The following TMEM74 variants were observed in gnomAD, a reference collection of about 807,000 sequenced individuals.
TMEM74 encodes transmembrane protein 74.
In TMEM74, 13 loss-of-function variants were observed where a neutral mutation model predicts 18.1. The ratio of observed to expected loss-of-function variants is 0.72; its 90% CI spans 0.47 to 1.14. TMEM74 has a LOEUF of 1.14. Ranked by LOEUF, TMEM74 falls within the 50% of genes most tolerant of loss-of-function variation. The pLI is 0.00. For synonymous variants in TMEM74, 159 were observed against 146.6 expected (o/e 1.08, Z -0.61); for missense variants, 372 against 375.9 (o/e 0.99, Z 0.09).
At chr8:108,664,529 T>A (rs1482174360) in intron 1 of TMEM74, among the ~76,000 whole-genome samples, 1 of 152,160 alleles carries the variant, frequency 6.6e-6, no homozygotes, top group Non-Finnish European at 1.5e-5. Flanking sequence ...ATCAAAGAGC[T>A]TTTGGGAAGA....
At chr8:108,670,528 C>T (rs957361067) in intron 1 of TMEM74, among the ~76,000 whole-genome samples, 1 of 152,110 alleles carries the variant, frequency 6.6e-6, no homozygotes, top group African/African-American at 2.4e-5. Flanking sequence ...TGTCACTTCC[C>T]CATTATAAAA....
chr8:108,677,747 T>C (rs775807453), intron 1 of TMEM74, among the ~76,000 whole-genome samples: 11 of 152,136 alleles, frequency 7.2e-5, no homozygotes, highest in Non-Finnish European at 1.5e-4. Context: ...CATCTTTCTG[T>C]ACTGATCAGC....
chr8:108,621,451 G>A (rs1324494710), intron 2 of TMEM74, among the ~76,000 whole-genome samples: 3 of 152,146 alleles, frequency 2.0e-5, no homozygotes, highest in South Asian at 4.1e-4. Context: ...ACGCCCTCGG[G>A]CAAGGTCTAG....
intron 1 of TMEM74, among the ~76,000 whole-genome samples, chr8:108,718,150 G>A (rs903275576): frequency 1.2e-5 from 1 of 86,586 alleles, no homozygotes; most frequent in Non-Finnish European, 2.0e-5. Flanking sequence ...AGTAGAGACG[G>A]GGTTTCACCA....
At chr8:108,786,092 A>G (rs1426485667) in intron 1 of TMEM74, among the ~76,000 whole-genome samples, 7 of 152,206 alleles carry the variant, frequency 4.6e-5, no homozygotes, top group Non-Finnish European at 8.8e-5. Flanking sequence ...TACAAACCCA[A>G]TCTAGAAGTG....
rs759532949 is a variant in TMEM74 at position 108,785,056 on chromosome 8, G to T, written c.43C>A (p.Leu15Ile). 1 of 1,612,608 alleles carries T rather than the reference G, an allele frequency of 6.2e-7. No individual in the cohort carries two copies. Among genetic ancestry groups the T allele is most frequent in the South Asian group, 1.1e-5 (1 of 90,834 alleles). The change falls in exon 2 of 2, where the codon CTC becomes ATC. Residue 15 changes from leucine (L) to isoleucine (I), a missense_variant. By Grantham distance (5) the Leu-to-Ile change is conservative. Coordinates refer to ENST00000297459, the MANE Select transcript of TMEM74 (RefSeq NM_153015.3). ...YLAKKSNQAD[L>I]CDARDWSSRG... is the part of the protein sequence containing the mutation. Reference sequence around the variant, plus strand: ...GAACTCCAGTCCCTGGCATCACAGAGGTCTGCCTGGTTGCTCTTCTTAGCA... The same window carrying T: ...GAACTCCAGTCCCTGGCATCACAGATGTCTGCCTGGTTGCTCTTCTTAGCA...
intron 1 of TMEM74, among the ~76,000 whole-genome samples, chr8:108,689,230 G>T (rs1813200895): frequency 1.3e-5 from 2 of 152,200 alleles, no homozygotes; most frequent in Admixed American, 6.5e-5. Context: ...TAGTAGGAAA[G>T]CTATATATAT....
chr8:108,785,465 C>G (rs1814373896), intron 1 of TMEM74, among the ~76,000 whole-genome samples: 1 of 152,150 alleles, frequency 6.6e-6, no homozygotes, highest in Admixed American at 6.5e-5. Flanking sequence ...CAAAAGGATC[C>G]CTCAAACGAG....
At chr8:108,654,566 G>A (rs1180959468) in intron 2 of TMEM74, among the ~76,000 whole-genome samples, 14 of 152,038 alleles carry the variant, frequency 9.2e-5, no homozygotes. Flanking sequence ...ATAATTCTAG[G>A]GTTGGGAGTC....
intron 1 of TMEM74, among the ~76,000 whole-genome samples, chr8:108,716,314 A>T (rs1422539357): frequency 6.6e-6 from 1 of 152,112 alleles, no homozygotes; most frequent in Admixed American, 6.5e-5. Flanking sequence ...AATATTAGAA[A>T]TTGATTTTAA....
intron 2 of TMEM74, among the ~76,000 whole-genome samples, chr8:108,619,942 G>T (rs1308170314): frequency 2.0e-5 from 3 of 152,096 alleles, no homozygotes; most frequent in Non-Finnish European, 4.4e-5. Flanking sequence ...TATGCTTTTT[G>T]CTGCTACTGC....
At chr8:108,774,184 A>G (rs1814203380), downstream of TMEM74, among the ~76,000 whole-genome samples, 1 of 152,208 alleles carries the variant, frequency 6.6e-6, no homozygotes, top group Non-Finnish European at 1.5e-5. Context: ...TACCTTGTGG[A>G]ACAGACTGGC....
chr8:108,650,073 T>C (rs1471583447), intron 2 of TMEM74, among the ~76,000 whole-genome samples: 2 of 152,282 alleles, frequency 1.3e-5, no homozygotes, highest in East Asian at 1.9e-4. Context: ...ACCTGAACTC[T>C]TGAACCACAC....
chr8:108,782,970 T>C lies in TMEM74; in HGVS notation c.*1211A>G, dbSNP rs1307674968. Among the ~76,000 whole-genome samples the C allele has an allele frequency of 6.6e-6, 1 of 152,224 alleles. No individual in the cohort carries two copies. The highest frequency in any genetic ancestry group is 1.5e-5 in the Non-Finnish European group (1 of 68,036). On this transcript the variant is annotated 3_prime_UTR_variant, in exon 2 of 2. Transcript: ENST00000297459. ...AGCACCTTGCTCATCATGCTGCTCT[T>C]AGAGAAGAGTTTGTGCTGCATGAGG...
chr8:108,760,553 G>A (rs1278982828), intron 1 of TMEM74, among the ~76,000 whole-genome samples: 1 of 151,962 alleles, frequency 6.6e-6, no homozygotes, highest in Non-Finnish European at 1.5e-5. Flanking sequence ...TGCTCTGACT[G>A]CAACATTAAC....
chr8:108,746,275 A>G (rs1813847618), intron 1 of TMEM74, among the ~76,000 whole-genome samples: 1 of 152,142 alleles, frequency 6.6e-6, no homozygotes, highest in Admixed American at 6.6e-5. Context: ...ATGGTTGTAG[A>G]ATCACTCAGC....
intron 1 of TMEM74, among the ~76,000 whole-genome samples, chr8:108,661,256 C>T (rs567768490): frequency 2.0e-4 from 31 of 151,826 alleles, no homozygotes; most frequent in East Asian, 7.7e-4. Context: ...TTAAATTATA[C>T]GACTCTGCTT....
chr8:108,728,187 G>A (rs998706361), intron 1 of TMEM74, among the ~76,000 whole-genome samples: 1 of 152,152 alleles, frequency 6.6e-6, no homozygotes, highest in Non-Finnish European at 1.5e-5. Context: ...AGAAAAGTGG[G>A]CCAAGAGAAG....
chr8:108,652,798 C>A, intron 2 of TMEM74: 1 of 526,394 alleles, frequency 1.9e-6, no homozygotes, highest in South Asian at 1.8e-5. Flanking sequence ...CACCCCATGT[C>A]AAAGAAGGAA....
Sources: gnomAD v4.1 joint callset for allele counts (sites outside exome capture counted in the v4.1 genomes callset) on GRCh38, gnomAD v4.1.1 for gene constraint, MANE v1.5 for transcripts, NCBI Gene and HGNC (gene_info 2026-07-23, HGNC 2026-07-21) for gene names.